The following NBEAL2 variants were observed in gnomAD, a reference collection of about 807,000 sequenced individuals.
NBEAL2 encodes neurobeachin-like protein 2.
A neutral mutation model predicts 299.8 loss-of-function variants in NBEAL2; 160 were observed. The ratio of observed to expected loss-of-function variants is 0.53; its 90% CI spans 0.47 to 0.61. NBEAL2 has a LOEUF of 0.61. NBEAL2 is among the 20% of genes least tolerant of loss of function. NBEAL2 has a pLI of 0.00. For synonymous variants in NBEAL2, 1,493 were observed against 1,542.3 expected (o/e 0.97, Z 0.75); for missense variants, 3,112 against 3,649.0 (o/e 0.85, Z 3.79).
At position 47,009,592 on chromosome 3, in the gene NBEAL2, C is replaced by G. The variant is rs566521093; in HGVS notation, c.*272C>G. ...TTTGCACAGTCTGGGGCGGGGTTCC[C>G]CGGCTTCCAAGTCGCTGTTTCGTCA... On this transcript the variant is annotated 3_prime_UTR_variant, in exon 54 of 54. Coordinates refer to ENST00000450053, the MANE Select transcript of NBEAL2 (RefSeq NM_015175.3). 3.6e-4 allele frequency: 172 copies of G among 472,008 alleles called. No homozygotes were observed. Among genetic ancestry groups the G allele is most frequent in the Non-Finnish European group, 5.8e-4 (155 of 266,518 alleles). The allele number at this position is 472,008 out of a possible 1,614,324, so 29.2% of individuals were successfully genotyped here.
At chr3:46,999,218 C>A in intron 24 of NBEAL2, 97 bp from the exon 25 acceptor site, 1 of 1,536,278 alleles carries the variant, frequency 6.5e-7, no homozygotes, top group South Asian at 1.2e-5. Flanking sequence ...ATGAAGCTGC[C>A]TTCAAGGGCC....
intron 11 of NBEAL2, among the ~76,000 whole-genome samples, chr3:46,994,229 G>A (rs1022611851): frequency 6.6e-6 from 1 of 152,152 alleles, no homozygotes; most frequent in Admixed American, 6.5e-5. Flanking sequence ...GTCAGGGCTG[G>A]ATGGGGAATG....
At position 47,004,418 on chromosome 3, in the gene NBEAL2, G is replaced by A. The variant is rs2037268814; in HGVS notation, c.6198+25G>A. ...GGTGAGAGCCCTGGGTGTGAGGGAT[G>A]TGAAGTCGGGACCCTGAATCACGGG... On this transcript the variant is annotated intron_variant, in intron 37 of 53. Coordinates refer to ENST00000450053, the MANE Select transcript of NBEAL2 (RefSeq NM_015175.3). This position sits in a 1 kb window ranked among gnomAD's most constrained non-coding sequence, Gnocchi z 5.0. 6.3e-7 allele frequency: 1 copy of A among 1,590,706 alleles called. No individual in the cohort carries two copies. The highest frequency in any genetic ancestry group is 8.6e-7 in the Non-Finnish European group (1 of 1,165,688).
Position 46,998,713 on chromosome 3 carries a change from C to T in NBEAL2, c.3222-4C>T. On this transcript the variant is annotated splice_region_variant and splice_polypyrimidine_tract_variant and intron_variant, in intron 22 of 53. Transcript: ENST00000450053. Reference sequence around the variant, plus strand: ...CTGGCTGGGTGTGCCTACTGACCTGCCAGCCCGCAGCGGGAGCGCCCCCTG... The same window carrying T: ...CTGGCTGGGTGTGCCTACTGACCTGTCAGCCCGCAGCGGGAGCGCCCCCTG... 1 of 1,572,256 alleles carries T rather than the reference C, an allele frequency of 6.4e-7. No individual in the cohort carries two copies. Among genetic ancestry groups the T allele is most frequent in the Non-Finnish European group, 8.6e-7 (1 of 1,156,964 alleles).
In NBEAL2 at chr3:47,004,924, G is replaced by C; in HGVS notation, c.6295-48G>C. 3 of 1,572,612 alleles carry C rather than the reference G, an allele frequency of 1.9e-6. No homozygotes were observed. Among genetic ancestry groups the C allele is most frequent in the Non-Finnish European group, 2.6e-6 (3 of 1,159,388 alleles). ...GGTGTGGGCAGGGCAGGGTGGGCTG[G>C]TAGGCCATCAGGGCCCTCATGCAGC... On this transcript the variant is annotated intron_variant, in intron 38 of 53. Transcript: ENST00000450053. This position sits in a 1 kb window ranked among gnomAD's most constrained non-coding sequence, Gnocchi z 5.0.
At chr3:47,007,028 G>A (rs1360461988) in intron 45 of NBEAL2, 38 bp from the exon 46 acceptor site, 2 of 1,515,660 alleles carry the variant, frequency 1.3e-6, no homozygotes, top group South Asian at 2.4e-5. Flanking sequence ...TAATCTGATA[G>A]TACTCAGGCA....
chr3:46,986,668 G>A (rs1046591463), intron 1 of NBEAL2, among the ~76,000 whole-genome samples: 7 of 152,162 alleles, frequency 4.6e-5, no homozygotes, highest in Non-Finnish European at 8.8e-5. Flanking sequence ...GGCAGCTAGG[G>A]GTCTCTGTGG....
rs183723916 is a variant in NBEAL2 at position 46,987,677 on chromosome 3, G to T, written c.52-992G>T. 1.2e-4 allele frequency among the ~76,000 whole-genome samples: 18 copies of T among 152,286 alleles called. No homozygotes were observed. In the East Asian group the frequency reaches 3.3e-3, roughly 28 times the overall value. The stretch of plus-strand genomic sequence containing the variant: ...GCGCGCAGGTCAGGGAGCTGTGGGT[G>T]CCTTAAGTGAAGGGTACTGCAGCAG... On this transcript the variant is annotated intron_variant, in intron 1 of 53. Transcript: ENST00000450053.
intron 11 of NBEAL2, 68 bp from the exon 12 acceptor site, chr3:46,994,387 C>T (rs2036318666): frequency 1.5e-5 from 21 of 1,416,426 alleles, no homozygotes; most frequent in Admixed American, 3.9e-5. Context: ...TCCAGAGTTT[C>T]CAGGGGGTCT....
In NBEAL2 at chr3:47,003,156, A is replaced by G. The variant is rs781200411; in HGVS notation, c.5585-18A>G. 2 of 1,605,590 alleles carry G rather than the reference A, an allele frequency of 1.2e-6. No homozygotes were observed. Among genetic ancestry groups the G allele is most frequent in the South Asian group, 2.2e-5 (2 of 90,670 alleles). ...CTGTCCTGCCTTGCTTCTGCTGAGTACCCTTGGCCCCTTGCAGGTGAGGTT... is the reference window on the plus strand; with the variant it reads ...CTGTCCTGCCTTGCTTCTGCTGAGTGCCCTTGGCCCCTTGCAGGTGAGGTT... On this transcript the variant is annotated intron_variant, in intron 34 of 53. Coordinates refer to ENST00000450053, the MANE Select transcript of NBEAL2 (RefSeq NM_015175.3). This position sits in a 1 kb window ranked among gnomAD's most constrained non-coding sequence, Gnocchi z 7.0.
chr3:47,007,108 C>T lies in NBEAL2; in HGVS notation c.7177C>T (p.His2393Tyr), dbSNP rs886058604. ...GVPLVLALVP[H>Y]RQPHSFITQG... is the part of the protein sequence containing the mutation. ...ACCCCTGGTGCTAGCCCTGGTCCCC[C>T]ACCGGCAGCCCCACTCCTTCATCAC... Residue 2393 changes from histidine (H) to tyrosine (Y), a missense_variant, in exon 46 of 54, where the codon CAC becomes TAC. Physicochemically the swap from His to Tyr is moderately conservative, Grantham distance 83. Around this residue, in one of 3 missense-constraint regions of NBEAL2, gnomAD observed 521 missense variants for 729.6 expected, o/e 0.71. Coordinates refer to ENST00000450053, the MANE Select transcript of NBEAL2 (RefSeq NM_015175.3). 6.2e-7 allele frequency: 1 copy of T among 1,613,622 alleles called. No individual in the cohort carries two copies. Among genetic ancestry groups the T allele is most frequent in the Non-Finnish European group, 8.5e-7 (1 of 1,179,752 alleles).
At chr3:46,996,647 G>C (rs1040806750) in intron 16 of NBEAL2, 55 bp downstream of exon 16, 83 of 1,521,962 alleles carry the variant, frequency 5.5e-5, no homozygotes, top group East Asian at 3.3e-4. Flanking sequence ...TAGGGGTCCG[G>C]GGGGAGAAGG....
Position 47,004,687 on chromosome 3 carries a change from G to C in NBEAL2, c.6294+97G>C. 7.5e-7 allele frequency: 1 copy of C among 1,325,438 alleles called. No individual in the cohort carries two copies. Among genetic ancestry groups the C allele is most frequent in the Non-Finnish European group, 1.1e-6 (1 of 926,732 alleles). The allele number at this position is 1,325,438 out of a possible 1,614,324, so 82.1% of individuals were successfully genotyped here. Reference sequence around the variant, plus strand: ...GGTACCTGCCAGTGGGCCAAGCTCTGAGCTTGGTCAAGGGTAGATGTGCCA... The same window carrying C: ...GGTACCTGCCAGTGGGCCAAGCTCTCAGCTTGGTCAAGGGTAGATGTGCCA... On this transcript the variant is annotated intron_variant, in intron 38 of 53. Coordinates refer to ENST00000450053, the MANE Select transcript of NBEAL2 (RefSeq NM_015175.3). The surrounding 1 kb of genome is among the most constrained non-coding windows in gnomAD (Gnocchi z 5.0).
chr3:46,992,657 G>C, intron 10 of NBEAL2, 102 bp downstream of exon 10: 1 of 1,152,170 alleles, frequency 8.7e-7, no homozygotes, highest in Non-Finnish European at 1.3e-6. Flanking sequence ...TGTAAGGCCT[G>C]GTGTGGTCTA....
rs1362658024 is a variant in NBEAL2, at chr3:46,998,166, T to C, written c.3058T>C (p.Tyr1020His). ...CAGCGGGCCCCTCCTGTACCTACTCTACCAGCATTTGCTCTTCAACTTTCA... is the reference window on the plus strand; with the variant it reads ...CAGCGGGCCCCTCCTGTACCTACTCCACCAGCATTTGCTCTTCAACTTTCA... Reference protein sequence around the residue: ...EGSGPLLYLLYQHLLFNFHLW... With the variant: ...EGSGPLLYLLHQHLLFNFHLW... Residue 1020 changes from tyrosine (Y) to histidine (H), a missense_variant, in exon 21 of 54, where the codon TAC (tyrosine) becomes CAC (histidine). Tyr to His is a moderately conservative substitution (Grantham distance 83). Transcript: ENST00000450053. 6.2e-7 allele frequency: 1 copy of C among 1,607,658 alleles called. No individual in the cohort carries two copies. The highest frequency in any genetic ancestry group is 1.3e-5 in the African/African-American group (1 of 74,828).
rs1326797391 is a variant in NBEAL2 at position 46,999,377 on chromosome 3, G to A, written c.3606G>A (p.Leu1202=). ...LPERSRQRLR[L]RECGLQGLVA... Reference sequence around the variant, plus strand: ...AGCGGAGCCGCCAGCGCCTCCGGCTGCGGGAGTGTGGTCTCCAGGGTCTGG... The same window carrying A: ...AGCGGAGCCGCCAGCGCCTCCGGCTACGGGAGTGTGGTCTCCAGGGTCTGG... The change falls in exon 25 of 54, where the codon CTG becomes CTA. Residue 1202 remains leucine, a synonymous_variant. Transcript: ENST00000450053. 1.2e-6 allele frequency: 2 copies of A among 1,607,670 alleles called. No homozygotes were observed. The highest frequency in any genetic ancestry group is 1.3e-5 in the African/African-American group (1 of 74,800).
At chr3:47,005,139 C>A in intron 39 of NBEAL2, 42 bp from the exon 40 acceptor site, 1 of 1,613,684 alleles carries the variant, frequency 6.2e-7, no homozygotes, top group South Asian at 1.1e-5. Flanking sequence ...TAGGGAAAGG[C>A]GAGGGGAGGG....
chr3:46,991,109 GC>G lies in NBEAL2; in HGVS notation c.557-107del. 1.1e-6 allele frequency: 1 copy of G among 919,042 alleles called. No individual in the cohort carries two copies. Among genetic ancestry groups the G allele is most frequent in the Non-Finnish European group, 1.7e-6 (1 of 581,408 alleles). 56.9% of individuals were successfully genotyped at this position (919,042 alleles called of 1,614,324 possible). A position where few individuals can be genotyped will look rare whatever the true frequency, so the allele number is the denominator to read the frequency against. On this transcript the variant is annotated intron_variant, in intron 6 of 53. Coordinates refer to ENST00000450053, the MANE Select transcript of NBEAL2 (RefSeq NM_015175.3). This position sits in a 1 kb window ranked among gnomAD's most constrained non-coding sequence, Gnocchi z 6.2. ...TCCCTCACACTGGATCTTTTACTTG[GC>G]CCAGCTCCCTCTCCCCTCCACCCCA... is the stretch of plus-strand genomic sequence containing the variant.
intron 1 of NBEAL2, among the ~76,000 whole-genome samples, chr3:46,983,752 G>A (rs1204235988): frequency 1.3e-5 from 2 of 152,158 alleles, no homozygotes; most frequent in Admixed American, 1.3e-4. Context: ...AGGGAGATGA[G>A]CACACAGCCC....
Sources: allele counts gnomAD v4.1 joint callset (sites outside exome capture counted in the v4.1 genomes callset), GRCh38; gene constraint gnomAD v4.1.1; regional missense constraint gnomAD v4.1.1; non-coding constraint Gnocchi (gnomAD v3.1); transcripts MANE v1.5; gene names NCBI Gene and HGNC (gene_info 2026-07-23, HGNC 2026-07-21).